VPS41: variants seen among roughly 807,000 people sequenced by gnomAD.
The protein encoded by VPS41 is vacuolar protein sorting-associated protein 41 homolog.
A neutral mutation model predicts 130.9 loss-of-function variants in VPS41; 85 were observed. That is an observed-to-expected ratio of 0.65 (90% CI 0.55 to 0.78). VPS41 has a LOEUF of 0.78. Ranked by LOEUF, VPS41 falls within the 30% of genes least tolerant of loss-of-function variation. VPS41 has a pLI of 0.00. For synonymous variants in VPS41, 335 were observed against 332.9 expected (o/e 1.01, Z -0.07); for missense variants, 874 against 1,018.7 (o/e 0.86, Z 1.93).
In VPS41 at chr7:38,726,420, G is replaced by A. The variant is rs1351724274; in HGVS notation, c.2485-94C>T. ...ACTAAGGTAGCGTTAGTCAGGGGGT[G>A]GAGAGGAAGTAATAGGATGGCACTC... On this transcript the variant is annotated intron_variant, in intron 28 of 28. Transcript: ENST00000310301. The A allele has an allele frequency of 8.6e-6, 8 of 933,284 alleles. No individual in the cohort carries two copies. In the East Asian group the frequency reaches 1.6e-4, roughly 18 times the overall value. The allele number at this position is 933,284 out of a possible 1,614,324, so 57.8% of individuals were successfully genotyped here. A position where few individuals can be genotyped will look rare whatever the true frequency, so the allele number is the denominator to read the frequency against.
At chr7:38,812,789 G>T (rs1784970112) in intron 7 of VPS41, among the ~76,000 whole-genome samples, 1 of 152,008 alleles carries the variant, frequency 6.6e-6, no homozygotes, top group African/African-American at 2.4e-5. Context: ...GGAAAACATG[G>T]TCAACATCAT....
At chr7:38,881,349 T>C (rs1786602086) in intron 2 of VPS41, among the ~76,000 whole-genome samples, 1 of 152,172 alleles carries the variant, frequency 6.6e-6, no homozygotes, top group African/African-American at 2.4e-5. Context: ...TGCCTCCCTC[T>C]TCCATTTACA....
chr7:38,789,007 C>T (rs1372893206), intron 10 of VPS41, among the ~76,000 whole-genome samples: 2 of 152,154 alleles, frequency 1.3e-5, no homozygotes, highest in African/African-American at 4.8e-5. Context: ...AACTTTTCAG[C>T]TGACTCATAA....
chr7:38,744,782 C>A (rs1795954196), intron 23 of VPS41, among the ~76,000 whole-genome samples: 1 of 152,094 alleles, frequency 6.6e-6, no homozygotes, highest in South Asian at 2.1e-4. Flanking sequence ...GGCTGAGCAC[C>A]CATGAATCTG....
rs145101588 is a variant in VPS41 at position 38,898,033 on chromosome 7, A to G, written c.60+58T>C. 294 of 1,528,670 alleles carry G rather than the reference A, an allele frequency of 1.9e-4. 1 individual carries two copies. The African/African-American group carries it at 3.7e-3, about 19-fold the overall frequency. The allele number at this position is 1,528,670 out of a possible 1,614,324, so 94.7% of individuals were successfully genotyped here. On this transcript the variant is annotated intron_variant, in intron 2 of 28. Transcript: ENST00000310301. ...ATGTTGCATTTAGCAAAGAAGCGCA[A>G]CTCAAGAGAACAACGTGGTGAGCTA... is the stretch of plus-strand genomic sequence containing the variant.
chr7:38,829,240 T>C (rs1035594816), intron 5 of VPS41, among the ~76,000 whole-genome samples: 1 of 152,198 alleles, frequency 6.6e-6, no homozygotes, highest in Non-Finnish European at 1.5e-5. Flanking sequence ...AAAGACTCTT[T>C]GGGCAACATT....
In VPS41 at chr7:38,872,525, G is replaced by A. The variant is rs141205826; in HGVS notation, c.61-3272C>T. 3.3e-5 allele frequency among the ~76,000 whole-genome samples: 5 copies of A among 152,246 alleles called. No homozygotes were observed. In the East Asian group the frequency reaches 9.6e-4, roughly 29 times the overall value. On this transcript the variant is annotated intron_variant, in intron 2 of 28. Transcript: ENST00000310301. ...CCTTGTTATACATAAGCTATTAGCT[G>A]TTTATTTCGGATGCAAGTATTAAAA...
intron 1 of VPS41, among the ~76,000 whole-genome samples, chr7:38,899,522 A>C (rs537859457): frequency 1.3e-5 from 2 of 152,258 alleles, no homozygotes; most frequent in East Asian, 3.9e-4. Flanking sequence ...TACTGTACTG[A>C]TCCTTCTCTT....
At chr7:38,906,161 C>CTGAT (rs916899452) in intron 1 of VPS41, among the ~76,000 whole-genome samples, 1 of 152,124 alleles carries the variant, frequency 6.6e-6, no homozygotes, top group Non-Finnish European at 1.5e-5. Flanking sequence ...CTACTACCGT[C>CTGAT]ATCAGATTTC....
intron 4 of VPS41, among the ~76,000 whole-genome samples, chr7:38,836,257 C>T (rs1481707650): frequency 6.6e-6 from 1 of 151,912 alleles, no homozygotes; most frequent in Non-Finnish European, 1.5e-5. Context: ...TTCGCAATTA[C>T]CTTTAAATTA....
At chr7:38,869,351 T>C in intron 2 of VPS41, 98 bp from the exon 3 acceptor site, 1 of 755,238 alleles carries the variant, frequency 1.3e-6, no homozygotes, top group Non-Finnish European at 2.2e-6. Flanking sequence ...GATGGTTCCT[T>C]CAATGATGTT....
At chr7:38,885,353 AT>A (rs1786701480) in intron 2 of VPS41, among the ~76,000 whole-genome samples, 1 of 152,240 alleles carries the variant, frequency 6.6e-6, no homozygotes, top group African/African-American at 2.4e-5. Flanking sequence ...ACTTATCTCC[AT>A]GAAGCAGAGC....
At chr7:38,800,623 C>T (rs952944709) in intron 7 of VPS41, among the ~76,000 whole-genome samples, 3 of 152,080 alleles carry the variant, frequency 2.0e-5, no homozygotes, top group East Asian at 1.9e-4. Flanking sequence ...CACCTGAGGT[C>T]GGGAGTTTGA....
At chr7:38,883,695 A>C (rs10281823) in intron 2 of VPS41, among the ~76,000 whole-genome samples, 39,118 of 152,124 alleles carry the variant, frequency 0.26, 6,437 homozygotes, top group Non-Finnish European at 0.38. Context: ...GCCTAAAATA[A>C]TTTTTCTTCT....
chr7:38,756,411 C>T (rs1310953622), intron 19 of VPS41, among the ~76,000 whole-genome samples: 4 of 152,146 alleles, frequency 2.6e-5, no homozygotes, highest in Non-Finnish European at 5.9e-5. Flanking sequence ...ACCCCACATG[C>T]TGGATACGTG....
At chr7:38,759,929 A>G (rs1783878256) in intron 17 of VPS41, among the ~76,000 whole-genome samples, 2 of 152,110 alleles carry the variant, frequency 1.3e-5, no homozygotes, top group Admixed American at 1.3e-4. Flanking sequence ...CCAGCATTCT[A>G]TATCTTTAAC....
chr7:38,885,850 A>T (rs546663974), intron 2 of VPS41, among the ~76,000 whole-genome samples: 28 of 152,234 alleles, frequency 1.8e-4, no homozygotes, highest in East Asian at 7.7e-4. Flanking sequence ...GAATTTTTTT[A>T]AAAAAAGGAA....
At chr7:38,754,865 G>A (rs777898191) in intron 20 of VPS41, 30 bp downstream of exon 20, 15 of 1,608,492 alleles carry the variant, frequency 9.3e-6, no homozygotes, top group Non-Finnish European at 1.2e-5. Context: ...CGTTCATCTG[G>A]TAACACATAT....
At chr7:38,868,960 G>A (rs1290085276) in intron 3 of VPS41, among the ~76,000 whole-genome samples, 186 bp downstream of exon 3, 5 of 152,152 alleles carry the variant, frequency 3.3e-5, no homozygotes, top group African/African-American at 1.2e-4. Context: ...TGTTGTATGT[G>A]TGTGAATGGG....
Sources: gnomAD v4.1 joint callset for allele counts (sites outside exome capture counted in the v4.1 genomes callset) on GRCh38, gnomAD v4.1.1 for gene constraint, MANE v1.5 for transcripts, NCBI Gene and HGNC (gene_info 2026-07-23, HGNC 2026-07-21) for gene names.